Variants in ARL15 observed in about 807,000 individuals in gnomAD.
The protein encoded by ARL15 is ADP-ribosylation factor-like protein 15.
ARL15 carries 19 observed loss-of-function variants against 25.2 expected under a neutral mutation model. The ratio of observed to expected loss-of-function variants is 0.75; its 90% CI spans 0.53 to 1.10. The LOEUF (loss-of-function observed/expected upper bound fraction) is 1.10, where lower values mean the gene tolerates loss of function less well. Ranked by LOEUF, ARL15 falls within the 50% of genes least tolerant of loss-of-function variation. The pLI, the probability that ARL15 is intolerant of heterozygous loss-of-function variation, is 0.00. For missense variants in ARL15, 220 were observed against 246.0 expected (o/e 0.89, Z 0.71); for synonymous variants, 94 against 86.8 (o/e 1.08, Z -0.46).
intron 4 of ARL15, among the ~76,000 whole-genome samples, chr5:54,037,629 A>G (rs893897682): frequency 6.6e-6 from 1 of 152,112 alleles, no homozygotes; most frequent in Non-Finnish European, 1.5e-5. Flanking sequence ...AGGTTTTAGT[A>G]TGCTTGACCC....
intron 4 of ARL15, among the ~76,000 whole-genome samples, chr5:54,112,066 A>C (rs1752757055): frequency 6.6e-6 from 1 of 152,154 alleles, no homozygotes; most frequent in Non-Finnish European, 1.5e-5. Context: ...ATGCTGAATG[A>C]GGCAACTAAA....
At chr5:53,990,536 C>A (rs1454073700) in intron 4 of ARL15, among the ~76,000 whole-genome samples, 1 of 152,184 alleles carries the variant, frequency 6.6e-6, no homozygotes, top group African/African-American at 2.4e-5. Flanking sequence ...AAGCACACAG[C>A]CAAGACAGTT....
At chr5:54,284,882 C>T (rs1009391471) in intron 1 of ARL15, among the ~76,000 whole-genome samples, 5 of 152,082 alleles carry the variant, frequency 3.3e-5, no homozygotes, top group Middle Eastern at 3.2e-3. Context: ...TACTAGGAGT[C>T]GGATACATAT....
At chr5:54,191,660 T>A (rs1755404475) in intron 1 of ARL15, among the ~76,000 whole-genome samples, 1 of 152,030 alleles carries the variant, frequency 6.6e-6, no homozygotes, top group Admixed American at 6.6e-5. Context: ...ATCCAATCAA[T>A]CAGAAAATTC....
intron 4 of ARL15, among the ~76,000 whole-genome samples, chr5:53,994,294 G>C (rs931422758): frequency 6.6e-6 from 1 of 152,158 alleles, no homozygotes; most frequent in South Asian, 2.1e-4. Context: ...CTAATGCAAT[G>C]ATGCAATGTA....
intron 1 of ARL15, among the ~76,000 whole-genome samples, chr5:54,263,585 G>C (rs1300548175): frequency 6.6e-6 from 1 of 152,056 alleles, no homozygotes; most frequent in Non-Finnish European, 1.5e-5. Flanking sequence ...CAGGAAACTG[G>C]AGCAAGCCAT....
chr5:54,176,804 G>A (rs1754886447), intron 1 of ARL15, among the ~76,000 whole-genome samples: 1 of 152,174 alleles, frequency 6.6e-6, no homozygotes, highest in Non-Finnish European at 1.5e-5. Context: ...TACTAAGAAA[G>A]GCGCCATACA....
At position 54,093,649 on chromosome 5, in the gene ARL15, G is replaced by C. The variant is rs943209498; in HGVS notation, c.462+19553C>G. Among the ~76,000 whole-genome samples the C allele has an allele frequency of 2.0e-5, 3 of 150,044 alleles. 1 individual carries two copies. Among genetic ancestry groups the C allele is most frequent in the African/African-American group, 7.4e-5 (3 of 40,656 alleles). ...GATTTCTTGCAAAGATTGAATGCTGGAGGTAATTTAATAATTTAAGTATAA... is the reference window on the plus strand; with the variant it reads ...GATTTCTTGCAAAGATTGAATGCTGCAGGTAATTTAATAATTTAAGTATAA... On this transcript the variant is annotated intron_variant, in intron 4 of 4. Coordinates refer to ENST00000504924, the MANE Select transcript of ARL15 (RefSeq NM_019087.3).
intron 1 of ARL15, among the ~76,000 whole-genome samples, chr5:54,172,757 G>A (rs1384162636): frequency 6.6e-6 from 1 of 152,162 alleles, no homozygotes; most frequent in African/African-American, 2.4e-5. Flanking sequence ...AAAACTCCTT[G>A]TTCTGGTCTT....
chr5:53,910,794 C>T (rs902681755), intron 4 of ARL15, among the ~76,000 whole-genome samples: 1 of 151,236 alleles, frequency 6.6e-6, no homozygotes, highest in Non-Finnish European at 1.5e-5. Context: ...CCTGCCCTTT[C>T]GTTTTTCAAA....
At chr5:54,242,160 TAC>T (rs1756974913) in intron 1 of ARL15, among the ~76,000 whole-genome samples, 1 of 151,774 alleles carries the variant, frequency 6.6e-6, no homozygotes, top group Admixed American at 6.6e-5. Flanking sequence ...CCTGTACACG[TAC>T]ACACACGCAC....
intron 4 of ARL15, among the ~76,000 whole-genome samples, chr5:53,909,085 A>G (rs973364111): frequency 1.3e-5 from 2 of 152,240 alleles, no homozygotes; most frequent in African/African-American, 4.8e-5. Context: ...AAGACAGAGC[A>G]AACAAACAAG....
intron 4 of ARL15, among the ~76,000 whole-genome samples, chr5:54,006,819 G>A (rs913453804): frequency 3.9e-5 from 6 of 152,084 alleles, no homozygotes; most frequent in Non-Finnish European, 7.4e-5. Flanking sequence ...GGCGGGGTGC[G>A]GTGGCTCACG....
chr5:53,907,642 C>T (rs12189288), intron 4 of ARL15, among the ~76,000 whole-genome samples: 98,865 of 149,044 alleles, frequency 0.66, 33,212 homozygotes, highest in Middle Eastern at 0.75. Flanking sequence ...AGACTACAGG[C>T]GCCCTCCACC....
intron 1 of ARL15, among the ~76,000 whole-genome samples, chr5:54,216,429 A>G (rs1034868477): frequency 1.7e-4 from 26 of 152,216 alleles, no homozygotes; most frequent in African/African-American, 6.3e-4. Context: ...GTCTATCAGT[A>G]TCTGATGGAA....
intron 4 of ARL15, among the ~76,000 whole-genome samples, chr5:53,988,706 G>GA (rs1468857980): frequency 6.6e-6 from 1 of 152,184 alleles, no homozygotes; most frequent in East Asian, 1.9e-4. Flanking sequence ...GCAAGAACAT[G>GA]AAGTAGGTCA....
At chr5:54,008,324 T>G (rs1749113679) in intron 4 of ARL15, among the ~76,000 whole-genome samples, 1 of 152,204 alleles carries the variant, frequency 6.6e-6, no homozygotes, top group Non-Finnish European at 1.5e-5. Flanking sequence ...CATTTTAGAC[T>G]CTATCTCTTT....
At chr5:54,158,084 T>C (rs1013707283) in intron 2 of ARL15, among the ~76,000 whole-genome samples, 4 of 152,014 alleles carry the variant, frequency 2.6e-5, no homozygotes, top group African/African-American at 9.7e-5. Flanking sequence ...TTACATCAGG[T>C]TGGATGAGGC....
At chr5:54,260,262 T>C (rs1176001512) in intron 1 of ARL15, among the ~76,000 whole-genome samples, 6 of 152,192 alleles carry the variant, frequency 3.9e-5, no homozygotes, top group African/African-American at 1.4e-4. Flanking sequence ...GCAAACCAGC[T>C]TCTCTGTACT....
Sources: allele counts gnomAD v4.1 joint callset (sites outside exome capture counted in the v4.1 genomes callset), GRCh38; gene constraint gnomAD v4.1.1; transcripts MANE v1.5; gene names NCBI Gene and HGNC (gene_info 2026-07-23, HGNC 2026-07-21).